NHS: variants seen among roughly 807,000 people sequenced by gnomAD.
NHS encodes the protein actin remodeling regulator NHS.
A neutral mutation model predicts 72.5 loss-of-function variants in NHS; 5 were observed. The ratio of observed to expected loss-of-function variants is 0.07; its 90% CI spans 0.04 to 0.14. The LOEUF (loss-of-function observed/expected upper bound fraction) is 0.14. Ranked by LOEUF, NHS falls within the 10% of genes least tolerant of loss-of-function variation. The pLI is 1.00. For synonymous variants in NHS, 464 were observed against 547.7 expected (o/e 0.85, Z 2.13); for missense variants, 1,072 against 1,355.7 (o/e 0.79, Z 3.29).
chrX:17,406,583 G>A (rs978697436), intron 1 of NHS, among the ~76,000 whole-genome samples: 1 of 111,455 alleles, frequency 9.0e-6, no homozygotes, highest in African/African-American at 3.3e-5. Context: ...TTACAGCAGT[G>A]TCTAGGTGGA....
intron 1 of NHS, among the ~76,000 whole-genome samples, chrX:17,474,764 C>T (rs934010530): frequency 8.1e-5 from 9 of 111,583 alleles, no homozygotes; most frequent in African/African-American, 2.9e-4. Context: ...AGCTGTGAGC[C>T]CTCAGAAGCC....
At chrX:17,483,023 C>G (rs1264095501) in intron 1 of NHS, among the ~76,000 whole-genome samples, 2 of 70,289 alleles carry the variant, frequency 2.8e-5, no homozygotes, top group Non-Finnish European at 5.9e-5. Flanking sequence ...CTGCTATCAC[C>G]CAAGTAAGTC....
chrX:17,458,416 A>T (rs754271737), intron 1 of NHS, among the ~76,000 whole-genome samples: 9 of 110,834 alleles, frequency 8.1e-5, no homozygotes, highest in Non-Finnish European at 1.7e-4. Context: ...TTTAGTAGAG[A>T]TGGGATTTCA....
At position 17,557,877 on chromosome X, in the gene NHS, G is replaced by T. The variant is rs761206863; in HGVS notation, c.566-129865G>T. Among the ~76,000 whole-genome samples, 4 of 112,386 alleles carry T rather than the reference G, an allele frequency of 3.6e-5. No homozygotes were observed. In the South Asian group the frequency reaches 1.5e-3, roughly 42 times the overall value. On this transcript the variant is annotated intron_variant, in intron 1 of 8. Coordinates refer to ENST00000676302, the MANE Select transcript of NHS (RefSeq NM_001291867.2). The stretch of plus-strand genomic sequence containing the variant: ...GTTGCCCAAAGGCCTCCCTTAGTTT[G>T]TTGCAATGTGTCCCACCTCATAGGG...
At chrX:17,385,428 C>T (rs184653576) in intron 1 of NHS, among the ~76,000 whole-genome samples, 2 of 111,489 alleles carry the variant, frequency 1.8e-5, no homozygotes, top group East Asian at 2.8e-4. Flanking sequence ...ATGGGAGGGT[C>T]GCTTAAATCA....
chrX:17,457,354 G>T (rs1265302348), intron 1 of NHS, among the ~76,000 whole-genome samples: 1 of 111,644 alleles, frequency 9.0e-6, no homozygotes, highest in Non-Finnish European at 1.9e-5. Context: ...TGAGCACCTC[G>T]GTAAGCTTCT....
intron 1 of NHS, among the ~76,000 whole-genome samples, chrX:17,477,975 C>T (rs2064928945): frequency 9.0e-6 from 1 of 111,474 alleles, no homozygotes; most frequent in African/African-American, 3.3e-5. Context: ...GCTACCTCAC[C>T]TCATGTTATG....
rs2065748370 is a variant in NHS, at chrX:17,616,594, T to G, written c.566-71148T>G. ...TATTAATGCGATGTTTCATATTTTT[T>G]GTATTGTCTTCAAAATCCCATATCC... is the stretch of plus-strand genomic sequence containing the variant. On this transcript the variant is annotated intron_variant, in intron 1 of 8. Coordinates refer to ENST00000676302, the MANE Select transcript of NHS (RefSeq NM_001291867.2). 2.7e-5 allele frequency among the ~76,000 whole-genome samples: 3 copies of G among 112,777 alleles called. No individual in the cohort carries two copies. The Admixed American group carries it at 2.8e-4, about 11-fold the overall frequency.
chrX:17,380,471 GC>G (rs1393189070), intron 1 of NHS, among the ~76,000 whole-genome samples: 1 of 108,846 alleles, frequency 9.2e-6, no homozygotes, highest in African/African-American at 3.4e-5. Context: ...TCCCATCTCG[GC>G]CCCCCAAGTA....
At chrX:17,682,656 C>A (rs1228675927) in intron 1 of NHS, among the ~76,000 whole-genome samples, 1 of 111,456 alleles carries the variant, frequency 9.0e-6, no homozygotes, top group Admixed American at 9.5e-5. Flanking sequence ...TCAGCTGTCA[C>A]CTCCCCCTTC....
At chrX:17,625,067 A>G (rs2147064941) in intron 1 of NHS, among the ~76,000 whole-genome samples, 1 of 112,657 alleles carries the variant, frequency 8.9e-6, no homozygotes, top group East Asian at 2.7e-4. Context: ...ACAAACAATA[A>G]TTACATATAC....
At chrX:17,438,786 A>G in intron 1 of NHS, among the ~76,000 whole-genome samples, 1 of 111,541 alleles carries the variant, frequency 9.0e-6, no homozygotes. Context: ...GAGATGGCCA[A>G]ACTAACGAAA....
chrX:17,600,149 C>T (rs190918556), intron 1 of NHS, among the ~76,000 whole-genome samples: 114 of 111,587 alleles, frequency 1.0e-3, no homozygotes, highest in African/African-American at 3.2e-3. Context: ...ATAAAAAGGC[C>T]GCCTGTCAAT....
intron 1 of NHS, among the ~76,000 whole-genome samples, chrX:17,531,591 C>T (rs1054803677): frequency 8.8e-6 from 1 of 113,006 alleles, no homozygotes; most frequent in Non-Finnish European, 1.9e-5. Context: ...GCCACTGCTT[C>T]AGCTCTTTCT....
intron 1 of NHS, among the ~76,000 whole-genome samples, chrX:17,529,576 A>G (rs887578485): frequency 1.8e-5 from 2 of 111,564 alleles, no homozygotes; most frequent in African/African-American, 3.3e-5. Flanking sequence ...CTAGGGGGAA[A>G]AAAAATGCTC....
At chrX:17,615,257 TAC>T (rs753115668) in intron 1 of NHS, among the ~76,000 whole-genome samples, 1 of 97,514 alleles carries the variant, frequency 1.0e-5, no homozygotes, top group African/African-American at 4.2e-5. Context: ...TACACATATA[TAC>T]ACATATATAT....
At chrX:17,665,042 A>G (rs2066003245) in intron 1 of NHS, among the ~76,000 whole-genome samples, 2 of 109,321 alleles carry the variant, frequency 1.8e-5, no homozygotes, top group Admixed American at 2.0e-4. Context: ...TAAATAATAT[A>G]TAATCAATTA....
intron 1 of NHS, among the ~76,000 whole-genome samples, chrX:17,499,414 C>T (rs1439068063): frequency 8.9e-6 from 1 of 111,744 alleles, no homozygotes; most frequent in Non-Finnish European, 1.9e-5. Flanking sequence ...TTTATTTTGC[C>T]CCTTTTTGAA....
chrX:17,728,549 CTGTTTGTT>C (rs10643465), intron 7 of NHS, 92 bp from the exon 8 acceptor site: 40 of 1,060,934 alleles, frequency 3.8e-5, no homozygotes, highest in East Asian at 1.8e-4. Context: ...AAGGTAATTT[CTGTTTGTT>C]TGTTTGTTTG....
Sources: allele counts gnomAD v4.1 joint callset (sites outside exome capture counted in the v4.1 genomes callset), GRCh38; gene constraint gnomAD v4.1.1; transcripts MANE v1.5; gene names NCBI Gene and HGNC (gene_info 2026-07-23, HGNC 2026-07-21).